The following RBAK variants were observed in gnomAD, a reference collection of about 807,000 sequenced individuals.
RBAK encodes the protein RB associated KRAB zinc finger, also known as RB-associated KRAB zinc finger protein.
Under a neutral mutation model 65.8 loss-of-function variants are expected in RBAK, and 39 were observed. The observed-to-expected ratio is 0.59, with a 90% CI of 0.46 to 0.77. The LOEUF (loss-of-function observed/expected upper bound fraction) is 0.77. Among genes scored for constraint, RBAK ranks in the 30% least tolerant of loss-of-function variants. RBAK has a pLI of 0.00. For missense variants in RBAK, 884 were observed against 855.1 expected (o/e 1.03, Z -0.42); for synonymous variants, 343 against 289.7 (o/e 1.18, Z -1.87).
At chr7:5,062,945 G>A (rs1446677723) in intron 4 of RBAK, among the ~76,000 whole-genome samples, 1 of 152,056 alleles carries the variant, frequency 6.6e-6, no homozygotes, top group Non-Finnish European at 1.5e-5. Flanking sequence ...TTTTTTCAAG[G>A]TGCCCAGATT....
intron 2 of RBAK, among the ~76,000 whole-genome samples, chr7:5,055,531 T>C (rs564333796): frequency 3.3e-5 from 5 of 152,208 alleles, no homozygotes; most frequent in Non-Finnish European, 5.9e-5. Context: ...CTTTGCTGTG[T>C]TATAGTGGCT....
chr7:5,059,989 A>G (rs1261096842), intron 4 of RBAK, among the ~76,000 whole-genome samples: 2 of 152,176 alleles, frequency 1.3e-5, no homozygotes, highest in Admixed American at 6.5e-5. Context: ...CTATGAGTAT[A>G]TGCTCTGTTA....
At chr7:5,049,563 C>T (rs1009733343) in intron 2 of RBAK, among the ~76,000 whole-genome samples, 2 of 152,164 alleles carry the variant, frequency 1.3e-5, no homozygotes, top group African/African-American at 4.8e-5. Context: ...TTTCCTAGCC[C>T]CTACCTCCCA....
rs763095299 is a variant in RBAK, at chr7:5,063,714, C to G, written c.258C>G (p.Asp86Glu). 1.7e-5 allele frequency: 27 copies of G among 1,609,076 alleles called. No individual in the cohort carries two copies. The highest frequency in any genetic ancestry group is 2.3e-5 in the Non-Finnish European group (27 of 1,178,140). Reference protein sequence around the residue: ...QHSPEAWRVDDLIERIQENED... With the variant: ...QHSPEAWRVDELIERIQENED... ...TTTTAGAAGCCTGGAGAGTTGATGA[C>G]CTGATAGAGAGAATCCAAGAAAACG... The change falls in exon 5 of 5, where the codon GAC becomes GAG. Residue 86 changes from aspartate to glutamate, a missense_variant. Coordinates refer to ENST00000396912, the MANE Select transcript of RBAK (RefSeq NM_021163.4).
In RBAK at chr7:5,064,746, G is replaced by A; in HGVS notation, c.1290G>A (p.Gln430=). Residue 430 remains glutamine (Q), a synonymous_variant, in exon 5 of 5, where the codon CAG becomes CAA. Transcript: ENST00000396912. This position sits in a 1 kb window ranked among gnomAD's most constrained non-coding sequence, Gnocchi z 6.3. Reference sequence around the variant, plus strand: ...CACACACGGGAGAGAAGCCCTATCAGTGTAGCGAGTGTGGGAAATTCTTTT... The same window carrying A: ...CACACACGGGAGAGAAGCCCTATCAATGTAGCGAGTGTGGGAAATTCTTTT... ...QRTHTGEKPY[Q]CSECGKFFSR... 1 of 1,613,944 alleles carries A rather than the reference G, an allele frequency of 6.2e-7. No individual in the cohort carries two copies. The highest frequency in any genetic ancestry group is 8.5e-7 in the Non-Finnish European group (1 of 1,179,904).
chr7:5,052,001 A>G (rs1192223496), intron 2 of RBAK, among the ~76,000 whole-genome samples: 1 of 152,160 alleles, frequency 6.6e-6, no homozygotes, highest in East Asian at 1.9e-4. Context: ...AATCTGCTGC[A>G]TTTGTGGTTC....
rs1347401570 is a variant in RBAK at position 5,064,358 on chromosome 7, A to G, written c.902A>G (p.Lys301Arg). The G allele has an allele frequency of 6.2e-7, 1 of 1,614,020 alleles. No individual in the cohort carries two copies. The highest frequency in any genetic ancestry group is 1.7e-5 in the Admixed American group (1 of 60,000). Reference protein sequence around the residue: ...CNVCGKSFSQKGTLTVHRRSH... With the variant: ...CNVCGKSFSQRGTLTVHRRSH... ...GTATGTGGGAAATCCTTCAGCCAAA[A>G]GGGAACCCTCACTGTACATCGGAGA... Residue 301 changes from lysine to arginine, a missense_variant, in exon 5 of 5, where the codon AAG (lysine) becomes AGG (arginine). Physicochemically the swap from Lys to Arg is conservative, Grantham distance 26. Coordinates refer to ENST00000396912, the MANE Select transcript of RBAK (RefSeq NM_021163.4). This position sits in a 1 kb window ranked among gnomAD's most constrained non-coding sequence, Gnocchi z 6.3.
At position 5,046,401 on chromosome 7, in the gene RBAK, G is replaced by A. The variant is rs1305805416; in HGVS notation, c.-45+5G>A. The A allele has an allele frequency of 1.9e-6, 1 of 515,114 alleles. No individual in the cohort carries two copies. The allele number at this position is 515,114 out of a possible 1,614,324, so 31.9% of individuals were successfully genotyped here. Reference sequence around the variant, plus strand: ...AGGCTGCGGAGCCCCAGAAGGGTAGGTCTTGGGTTTTCGGGCCCGGAGCGA... The same window carrying A: ...AGGCTGCGGAGCCCCAGAAGGGTAGATCTTGGGTTTTCGGGCCCGGAGCGA... On this transcript the variant is annotated splice_donor_5th_base_variant and intron_variant, in intron 1 of 4. Coordinates refer to ENST00000396912, the MANE Select transcript of RBAK (RefSeq NM_021163.4).
Position 5,067,169 on chromosome 7 carries a change from G to A in RBAK, c.*1568G>A, listed in dbSNP as rs563309035. Reference sequence around the variant, plus strand: ...ATATCTGCTGTCAATGATTTTATTCGGCATTGTTCAGAAGGACCTAACCAG... The same window carrying A: ...ATATCTGCTGTCAATGATTTTATTCAGCATTGTTCAGAAGGACCTAACCAG... On this transcript the variant is annotated 3_prime_UTR_variant, in exon 5 of 5. Coordinates refer to ENST00000396912, the MANE Select transcript of RBAK (RefSeq NM_021163.4). The A allele has an allele frequency of 3.9e-5, 6 of 152,084 alleles. No individual in the cohort carries two copies. The highest frequency in any genetic ancestry group is 7.4e-5 in the Non-Finnish European group (5 of 67,968). 9.4% of individuals were successfully genotyped at this position (152,084 alleles called of 1,614,324 possible). A position where few individuals can be genotyped will look rare whatever the true frequency, so the allele number is the denominator to read the frequency against.
Position 5,046,117 on chromosome 7 carries a change from C to T in RBAK, c.-324C>T. The T allele has an allele frequency of 6.3e-6, 2 of 316,848 alleles. No individual in the cohort carries two copies. The highest frequency in any genetic ancestry group is 2.3e-5 in the South Asian group (1 of 43,080). 19.6% of individuals were successfully genotyped at this position (316,848 alleles called of 1,614,324 possible). On this transcript the variant is annotated 5_prime_UTR_variant, in exon 1 of 5. Transcript: ENST00000396912. ...GGACGGGAGGTGGCGGAGGTGGCGG[C>T]GGAGGCGAAGGGGCGGCGGGACGCG... is the stretch of plus-strand genomic sequence containing the variant.
intron 2 of RBAK, among the ~76,000 whole-genome samples, chr7:5,054,054 C>A (rs1194300481): frequency 6.6e-6 from 1 of 152,128 alleles, no homozygotes; most frequent in African/African-American, 2.4e-5. Context: ...ATTGGTTCAC[C>A]TTGTTTATTT....
chr7:5,059,764 C>T (rs1404306216), intron 4 of RBAK, among the ~76,000 whole-genome samples: 4 of 152,146 alleles, frequency 2.6e-5, no homozygotes, highest in Admixed American at 2.6e-4. Context: ...GGATTATATG[C>T]TCTAAGATCA....
At chr7:5,046,965 A>G (rs1344593059) in intron 1 of RBAK, among the ~76,000 whole-genome samples, 6 of 152,294 alleles carry the variant, frequency 3.9e-5, no homozygotes, top group East Asian at 1.9e-4. Context: ...TTAATAGAAG[A>G]TTATTAGGTG....
rs139183961 is a variant in RBAK, at chr7:5,065,504, A to G, written c.2048A>G (p.Glu683Gly). 146 of 1,606,898 alleles carry G rather than the reference A, an allele frequency of 9.1e-5. No homozygotes were observed. The highest frequency in any genetic ancestry group is 1.1e-4 in the Non-Finnish European group (133 of 1,177,132). Residue 683 changes from glutamate (E) to glycine (G), a missense_variant, in exon 5 of 5, where the codon GAG becomes GGG. Physicochemically the swap from Glu to Gly is moderately conservative, Grantham distance 98. Coordinates refer to ENST00000396912, the MANE Select transcript of RBAK (RefSeq NM_021163.4). This position sits in a 1 kb window ranked among gnomAD's most constrained non-coding sequence, Gnocchi z 5.3. Reference protein sequence around the residue: ...HSGEKPYECNECGKKFHHRSA... With the variant: ...HSGEKPYECNGCGKKFHHRSA... ...GGAGAGAAACCCTATGAATGTAACG[A>G]GTGTGGGAAAAAATTCCACCACAGA...
intron 2 of RBAK, among the ~76,000 whole-genome samples, chr7:5,049,576 A>T (rs1788069980): frequency 6.6e-6 from 1 of 152,062 alleles, no homozygotes; most frequent in South Asian, 2.1e-4. Flanking sequence ...ACCTCCCAGG[A>T]CCCTTTGTCT....
intron 4 of RBAK, among the ~76,000 whole-genome samples, chr7:5,059,374 G>T (rs1779012513): frequency 1.3e-5 from 2 of 151,820 alleles, no homozygotes; most frequent in South Asian, 4.2e-4. Flanking sequence ...AGGCTGGAGT[G>T]CAATGGCATG....
chr7:5,050,532 G>A (rs1179432743), intron 2 of RBAK, among the ~76,000 whole-genome samples: 1 of 152,148 alleles, frequency 6.6e-6, no homozygotes, highest in African/African-American at 2.4e-5. Context: ...AGGCAAAATG[G>A]TGATGTGCTA....
chr7:5,066,523 A>G lies in RBAK; in HGVS notation c.*922A>G, dbSNP rs1779222055. ...TCACACCACCCTTGTTTTTTAACCC[A>G]TAGGTTTGAGTGTGCCTAGTGCCAA... On this transcript the variant is annotated 3_prime_UTR_variant, in exon 5 of 5. Transcript: ENST00000396912. 1 of 152,174 alleles carries G rather than the reference A, an allele frequency of 6.6e-6. No individual in the cohort carries two copies. The highest frequency in any genetic ancestry group is 2.1e-4 in the South Asian group (1 of 4,838). The allele number at this position is 152,174 out of a possible 1,614,324, so 9.4% of individuals were successfully genotyped here. A position where few individuals can be genotyped will look rare whatever the true frequency, so the allele number is the denominator to read the frequency against.
chr7:5,051,257 A>G (rs536658287), intron 2 of RBAK, among the ~76,000 whole-genome samples: 2 of 152,328 alleles, frequency 1.3e-5, no homozygotes, highest in Middle Eastern at 3.4e-3. Flanking sequence ...AAGAAATCCC[A>G]GCTACTTCCT....
Sources: allele counts gnomAD v4.1 joint callset (sites outside exome capture counted in the v4.1 genomes callset), GRCh38; gene constraint gnomAD v4.1.1; non-coding constraint Gnocchi (gnomAD v3.1); transcripts MANE v1.5; gene names NCBI Gene and HGNC (gene_info 2026-07-23, HGNC 2026-07-21).